The following PTPN13 variants were observed in gnomAD, a reference collection of about 807,000 sequenced individuals.
PTPN13 encodes protein tyrosine phosphatase non-receptor type 13.
A neutral mutation model predicts 284.0 loss-of-function variants in PTPN13; 191 were observed. That is an observed-to-expected ratio of 0.67 (90% CI 0.60 to 0.76). PTPN13 has a LOEUF of 0.76. PTPN13 is among the 30% of genes least tolerant of loss of function. PTPN13 has a pLI of 0.00. For missense variants in PTPN13, 2,797 were observed against 2,939.9 expected, an observed-to-expected ratio of 0.95 and a Z score of 1.12; for synonymous variants, 986 against 1,022.3, an observed-to-expected ratio of 0.96 and a Z score of 0.68.
chr4:86,725,657 G>A lies in PTPN13; in HGVS notation c.1608+3223G>A, dbSNP rs372442548. 3.1e-4 allele frequency among the ~76,000 whole-genome samples: 47 copies of A among 149,410 alleles called. 2 individuals are homozygous for A. The highest frequency in any genetic ancestry group is 6.9e-3 in the Middle Eastern group (2 of 290). ...GTTCATATCCTTTGCCTGTTTTTCA[G>A]TGGGGTTGTTTGTTTGTTTCTTGTA... On this transcript the variant is annotated intron_variant, in intron 10 of 47. Coordinates refer to ENST00000411767, the MANE Select transcript of PTPN13 (RefSeq NM_080683.3).
intron 10 of PTPN13, among the ~76,000 whole-genome samples, chr4:86,722,832 A>G (rs1733819355): frequency 6.6e-6 from 1 of 152,192 alleles, no homozygotes; most frequent in Non-Finnish European, 1.5e-5. Flanking sequence ...AATGTTATCA[A>G]GTGCATTTCA....
Position 86,750,601 on chromosome 4 carries a change from C to G in PTPN13, c.2782C>G (p.Gln928Glu). The part of the protein sequence containing the change: ...NKLAVRPLSV[Q>E]AEILKRLSCS... ...ACTTGCTGTTCGACCTTTATCAGTT[C>G]AAGCTGAGATTCTGAAGAGGCTATC... The change falls in exon 18 of 48, where the codon CAA becomes GAA. Residue 928 changes from glutamine (Q) to glutamate (E), a missense_variant. Gln to Glu is a conservative substitution (Grantham distance 29). Transcript: ENST00000411767. The G allele has an allele frequency of 6.2e-7, 1 of 1,613,942 alleles. No individual in the cohort carries two copies.
chr4:86,628,890 A>T (rs1315760346), intron 1 of PTPN13, among the ~76,000 whole-genome samples: 38 of 149,950 alleles, frequency 2.5e-4, no homozygotes, highest in African/African-American at 3.9e-4. Context: ...ATTTTCTTAA[A>T]CCAGTCTATC....
intron 30 of PTPN13, 142 bp downstream of exon 30, chr4:86,770,341 A>G (rs575656274): frequency 1.5e-6 from 1 of 660,810 alleles, no homozygotes; most frequent in South Asian, 2.0e-5. Flanking sequence ...GTTATCTTGT[A>G]TGTGACAACT....
At chr4:86,700,943 T>G (rs1483983313) in intron 6 of PTPN13, among the ~76,000 whole-genome samples, 1 of 152,204 alleles carries the variant, frequency 6.6e-6, no homozygotes, top group Admixed American at 6.5e-5. Context: ...ACTGGATAGT[T>G]GTCTGCTTTT....
At chr4:86,646,074 A>G (rs1485618277) in intron 2 of PTPN13, among the ~76,000 whole-genome samples, 1 of 151,966 alleles carries the variant, frequency 6.6e-6, no homozygotes. Flanking sequence ...TAATAATTGG[A>G]TATCCATATA....
chr4:86,803,832 A>C lies in PTPN13; in HGVS notation c.6629A>C (p.Gln2210Pro), dbSNP rs1744345797. 6.2e-7 allele frequency: 1 copy of C among 1,613,618 alleles called. No homozygotes were observed. The highest frequency in any genetic ancestry group is 1.3e-5 in the African/African-American group (1 of 74,924). The change falls in exon 43 of 48, where the codon CAA (glutamine) becomes CCA (proline). Residue 2210 changes from glutamine (Q) to proline (P), a missense_variant. Gln to Pro is a moderately conservative substitution (Grantham distance 76). Coordinates refer to ENST00000411767, the MANE Select transcript of PTPN13 (RefSeq NM_080683.3). ...VIRVLRGLLD[Q>P]GIPSKELENL... Reference sequence around the variant, plus strand: ...CGAGTCCTGCGGGGTTTGCTAGATCAAGGAATTCCTTCTAAGGAGCTGGAG... The same window carrying C: ...CGAGTCCTGCGGGGTTTGCTAGATCCAGGAATTCCTTCTAAGGAGCTGGAG...
At chr4:86,618,939 C>A (rs1720911061) in intron 1 of PTPN13, among the ~76,000 whole-genome samples, 1 of 152,140 alleles carries the variant, frequency 6.6e-6, no homozygotes, top group African/African-American at 2.4e-5. Flanking sequence ...TGCCTGATTG[C>A]CCCTGGCCAG....
chr4:86,628,999 G>T (rs938409404), intron 1 of PTPN13, among the ~76,000 whole-genome samples: 4 of 151,970 alleles, frequency 2.6e-5, no homozygotes, highest in Non-Finnish European at 1.5e-5. Context: ...ATGATTTATA[G>T]TCCTTTGGGT....
At chr4:86,727,536 T>C (rs1307046615) in intron 10 of PTPN13, among the ~76,000 whole-genome samples, 4 of 149,502 alleles carry the variant, frequency 2.7e-5, no homozygotes, top group Non-Finnish European at 1.5e-5. Context: ...CATGGTTTAG[T>C]CTTGGGAGGG....
chr4:86,713,085 A>C (rs1310112303), intron 7 of PTPN13, among the ~76,000 whole-genome samples: 1 of 152,108 alleles, frequency 6.6e-6, no homozygotes, highest in Non-Finnish European at 1.5e-5. Flanking sequence ...AACAAGGCAT[A>C]ACATCCAAGT....
intron 28 of PTPN13, among the ~76,000 whole-genome samples, chr4:86,769,162 A>T (rs578229639): frequency 6.6e-6 from 1 of 152,242 alleles, no homozygotes; most frequent in South Asian, 2.1e-4. Flanking sequence ...AATTTATCTG[A>T]GTTAAATTAC....
rs761825893 is a variant in PTPN13, at chr4:86,780,467, G to A, written c.5957G>A (p.Gly1986Asp). The change falls in exon 36 of 48, where the codon GGC becomes GAC. Residue 1986 changes from glycine to aspartate, a missense_variant. Gly to Asp is a moderately conservative substitution (Grantham distance 94, BLOSUM62 -1). Coordinates refer to ENST00000411767, the MANE Select transcript of PTPN13 (RefSeq NM_080683.3). ...GTTTCAGCTCCAAAGTCAACCAAAG[G>A]CAATGGTAAGGATATATTCATTTTA... ...SAVSAPKSTK[G>D]NGSYSVGSCS... is the part of the protein sequence containing the mutation. 7.1e-5 allele frequency: 114 copies of A among 1,596,998 alleles called. No individual in the cohort carries two copies. In the East Asian group the frequency reaches 2.5e-3, roughly 34 times the overall value.
At position 86,803,690 on chromosome 4, in the gene PTPN13, A is replaced by G; in HGVS notation, c.6506-19A>G. On this transcript the variant is annotated intron_variant, in intron 42 of 47. Transcript: ENST00000411767. ...TTGGTTCTGGAGGAACTGTTTTTAA[A>G]TTGCTGTCTTCCTATTAGATCATTC... 6.2e-7 allele frequency: 1 copy of G among 1,611,352 alleles called. No individual in the cohort carries two copies. Among genetic ancestry groups the G allele is most frequent in the Non-Finnish European group, 8.5e-7 (1 of 1,178,070 alleles).
rs1735048886 is a variant in PTPN13, at chr4:86,732,438, AC to A, written c.1649del (p.Pro550HisfsTer25). On this transcript the variant is annotated frameshift_variant, in exon 11 of 48. Coordinates refer to ENST00000411767, the MANE Select transcript of PTPN13 (RefSeq NM_080683.3). LOFTEE classifies it high-confidence loss of function. The part of the protein sequence containing the change: ...GPEFVKMTIE[P>X]FISLDLPRSI... The stretch of plus-strand genomic sequence containing the variant: ...CTGAGTTTGTGAAAATGACAATTGA[AC>A]CATTTATATCTTTGGATTTGCCACG... The A allele has an allele frequency of 1.9e-6, 3 of 1,601,782 alleles. No individual in the cohort carries two copies. The highest frequency in any genetic ancestry group is 2.6e-6 in the Non-Finnish European group (3 of 1,173,184).
At chr4:86,674,795 G>C (rs754122737) in intron 3 of PTPN13, among the ~76,000 whole-genome samples, 10 of 152,284 alleles carry the variant, frequency 6.6e-5, no homozygotes, top group Admixed American at 1.3e-4. Flanking sequence ...AGGTATTCAA[G>C]TGTACCAGTA....
Position 86,747,758 on chromosome 4 carries a change from A to G in PTPN13, c.2650+2630A>G, listed in dbSNP as rs16996050. Reference sequence around the variant, plus strand: ...CCCTCAAAAGTGAAAGCACTTTAAGATGGTGTGATCTATATTTTTCCCCTT... The same window carrying G: ...CCCTCAAAAGTGAAAGCACTTTAAGGTGGTGTGATCTATATTTTTCCCCTT... On this transcript the variant is annotated intron_variant, in intron 17 of 47. Coordinates refer to ENST00000411767, the MANE Select transcript of PTPN13 (RefSeq NM_080683.3). 4.5e-3 allele frequency among the ~76,000 whole-genome samples: 693 copies of G among 152,322 alleles called. 5 individuals carry two copies. The highest frequency in any genetic ancestry group is 0.016 in the African/African-American group (666 of 41,566).
At chr4:86,637,621 ATTCAACAACCC>A (rs1723185385) in intron 2 of PTPN13, among the ~76,000 whole-genome samples, 2 of 151,722 alleles carry the variant, frequency 1.3e-5, no homozygotes, top group Admixed American at 1.3e-4. Flanking sequence ...CTTTGACAAA[ATTCAACAACCC>A]TTCATGCTAA....
At chr4:86,708,496 C>T (rs1007051107) in intron 7 of PTPN13, among the ~76,000 whole-genome samples, 4 of 152,070 alleles carry the variant, frequency 2.6e-5, no homozygotes, top group African/African-American at 9.7e-5. Flanking sequence ...GATCAGAGTT[C>T]ACAGAAATAA....
Sources: allele counts gnomAD v4.1 joint callset (sites outside exome capture counted in the v4.1 genomes callset), GRCh38; gene constraint gnomAD v4.1.1; transcripts MANE v1.5; gene names NCBI Gene and HGNC (gene_info 2026-07-23, HGNC 2026-07-21).